The following NTRK2 variants were observed in gnomAD, a reference collection of about 807,000 sequenced individuals.
The protein encoded by NTRK2 is BDNF/NT-3 growth factors receptor.
NTRK2 carries 13 observed loss-of-function variants against 94.5 expected under a neutral mutation model. That is an observed-to-expected ratio of 0.14 (90% CI 0.09 to 0.22). The LOEUF is 0.22. NTRK2 is among the 10% of genes least tolerant of loss of function. The pLI, the probability that NTRK2 is intolerant of heterozygous loss-of-function variation, is 1.00. For missense variants in NTRK2, 639 were observed against 1,071.2 expected (o/e 0.60, Z 5.63); for synonymous variants, 372 against 407.4 (o/e 0.91, Z 1.05).
chr9:84,935,975 A>G (rs1309981772), intron 15 of NTRK2, among the ~76,000 whole-genome samples: 2 of 152,166 alleles, frequency 1.3e-5, no homozygotes, highest in African/African-American at 2.4e-5. Flanking sequence ...TAGGCTAGCC[A>G]TGTATTATAG....
intron 17 of NTRK2, among the ~76,000 whole-genome samples, chr9:84,987,128 G>A (rs1160502570): frequency 6.6e-6 from 1 of 152,168 alleles, no homozygotes; most frequent in Admixed American, 6.5e-5. Flanking sequence ...TCACATGTCA[G>A]GGTGAAAAGA....
chr9:84,931,420 G>A (rs2078025400), intron 14 of NTRK2, among the ~76,000 whole-genome samples: 1 of 150,248 alleles, frequency 6.7e-6, no homozygotes, highest in South Asian at 2.1e-4. Flanking sequence ...AAAAAAAAGA[G>A]AGAGAGAGAG....
chr9:84,831,747 T>C (rs1395159674), intron 12 of NTRK2, among the ~76,000 whole-genome samples: 1 of 152,162 alleles, frequency 6.6e-6, no homozygotes, highest in East Asian at 1.9e-4. Flanking sequence ...AAGAAGAGAC[T>C]TCAGGGCCTA....
chr9:84,872,042 A>G, intron 14 of NTRK2: 1 of 1,425,024 alleles, frequency 7.0e-7, no homozygotes, highest in Non-Finnish European at 9.2e-7. Flanking sequence ...TGCCACTTTA[A>G]CTATAGACCC....
At chr9:84,817,200 GT>G (rs1453303265) in intron 12 of NTRK2, among the ~76,000 whole-genome samples, 2 of 152,196 alleles carry the variant, frequency 1.3e-5, no homozygotes, top group Non-Finnish European at 2.9e-5. Flanking sequence ...GAGTCGTTGG[GT>G]GTACCTCGGT....
At chr9:84,991,296 C>T (rs962254061) in intron 17 of NTRK2, among the ~76,000 whole-genome samples, 19 of 152,294 alleles carry the variant, frequency 1.2e-4, no homozygotes, top group Admixed American at 9.2e-4. Context: ...ATCTTGTTAA[C>T]GAGACAAGGA....
intron 2 of NTRK2, among the ~76,000 whole-genome samples, chr9:84,679,386 G>C (rs1320802342): frequency 6.6e-6 from 1 of 152,110 alleles, no homozygotes; most frequent in East Asian, 1.9e-4. Context: ...ATCTTGACTT[G>C]TGTACTTTTT....
chr9:85,021,434 C>T lies in NTRK2; in HGVS notation c.2514C>T (p.Gly838=), dbSNP rs973334596. 12 of 1,613,992 alleles carry T rather than the reference C, an allele frequency of 7.4e-6. No individual in the cohort carries two copies. In the Admixed American group the frequency reaches 1.3e-4, roughly 18 times the overall value. The stretch of plus-strand genomic sequence containing the variant: ...CTCCGGTCTACCTGGACATTCTAGG[C>T]TAGGGCCCTTTTCCCCAGACCGATC... ...KASPVYLDIL[G] The change falls in exon 19 of 19, where the codon GGC becomes GGT. Residue 838 remains glycine, a synonymous_variant. Transcript: ENST00000277120.
Position 84,702,381 on chromosome 9 carries a change from T to C in NTRK2, c.321T>C (p.Ala107=). The C allele has an allele frequency of 6.2e-7, 1 of 1,614,202 alleles. No homozygotes were observed. The highest frequency in any genetic ancestry group is 8.5e-7 in the Non-Finnish European group (1 of 1,180,026). The change falls in exon 4 of 19, where the codon GCT becomes GCC. Residue 107 remains alanine (A), a synonymous_variant. Coordinates refer to ENST00000277120, the MANE Select transcript of NTRK2 (RefSeq NM_006180.6). ...TGGATTCTGGATTAAAATTTGTGGC[T>C]CATAAAGCATTTCTGAAAAACAGCA... ...TIVDSGLKFV[A]HKAFLKNSNL...
rs533553383 is a variant in NTRK2, at chr9:84,841,280, G to A, written c.1397-19760G>A. Among the ~76,000 whole-genome samples the A allele has an allele frequency of 2.0e-4, 30 of 152,256 alleles. 1 individual carries two copies. In the South Asian group the frequency reaches 5.0e-3, roughly 25 times the overall value. On this transcript the variant is annotated intron_variant, in intron 12 of 18. Transcript: ENST00000277120. ...ACACTTGGCATGACCAACACAGAGC[G>A]CTGAGCTGTCCCATGAGATGTGACC...
At chr9:84,994,592 G>A (rs1054933733) in intron 17 of NTRK2, among the ~76,000 whole-genome samples, 5 of 152,130 alleles carry the variant, frequency 3.3e-5, no homozygotes, top group Non-Finnish European at 7.3e-5. Context: ...TCACTGCAGC[G>A]CTTCCAGACT....
At chr9:84,985,259 T>A (rs946234452) in intron 17 of NTRK2, among the ~76,000 whole-genome samples, 2 of 152,238 alleles carry the variant, frequency 1.3e-5, no homozygotes, top group African/African-American at 4.8e-5. Flanking sequence ...GAAAACCCTA[T>A]AATTTGTATC....
Position 84,866,549 on chromosome 9 carries a change from T to C in NTRK2, c.1445-694T>C, listed in dbSNP as rs544991029. ...TGACAGAGTGTTCTAGAGACAATCA[T>C]AGAACAGAGAGGAAAGCTACGTATT... On this transcript the variant is annotated intron_variant, in intron 13 of 18. Transcript: ENST00000277120. Among the ~76,000 whole-genome samples the C allele has an allele frequency of 2.6e-5, 4 of 152,182 alleles. No individual in the cohort carries two copies. The South Asian group carries it at 6.2e-4, about 24-fold the overall frequency.
At chr9:84,980,029 T>C (rs558903772) in intron 17 of NTRK2, among the ~76,000 whole-genome samples, 2 of 152,362 alleles carry the variant, frequency 1.3e-5, no homozygotes, top group East Asian at 3.9e-4. Flanking sequence ...AAAAAAATTG[T>C]GTGACCCCAT....
chr9:84,908,094 A>G (rs2077128561), intron 14 of NTRK2, among the ~76,000 whole-genome samples: 1 of 152,274 alleles, frequency 6.6e-6, no homozygotes, highest in Admixed American at 6.5e-5. Flanking sequence ...AAACAAAACA[A>G]ACAAACAAAC....
intron 15 of NTRK2, among the ~76,000 whole-genome samples, chr9:84,941,677 C>G (rs2078414591): frequency 6.6e-6 from 1 of 152,164 alleles, no homozygotes. Context: ...AAATTTTATG[C>G]TGGTGTATTT....
At chr9:84,754,075 A>C (rs2064865159) in intron 12 of NTRK2, among the ~76,000 whole-genome samples, 1 of 152,212 alleles carries the variant, frequency 6.6e-6, no homozygotes. Flanking sequence ...ACTAACGCTG[A>C]AACAGTATTT....
chr9:84,917,875 A>T (rs1396603665), intron 14 of NTRK2, among the ~76,000 whole-genome samples: 1 of 152,060 alleles, frequency 6.6e-6, no homozygotes, highest in Non-Finnish European at 1.5e-5. Context: ...GCCTCTGCCC[A>T]CCTCCTGGGA....
chr9:84,739,983 G>A (rs1284113050), intron 9 of NTRK2, among the ~76,000 whole-genome samples: 2 of 152,212 alleles, frequency 1.3e-5, no homozygotes, highest in Admixed American at 6.5e-5. Flanking sequence ...TTATGATGAC[G>A]TGGAAGGCTG....
Sources: gnomAD v4.1 joint callset for allele counts (sites outside exome capture counted in the v4.1 genomes callset) on GRCh38, gnomAD v4.1.1 for gene constraint, MANE v1.5 for transcripts, NCBI Gene and HGNC (gene_info 2026-07-23, HGNC 2026-07-21) for gene names.